Variants in SNX29 observed in about 807,000 individuals in gnomAD.
The protein encoded by SNX29 is sorting nexin-29.
SNX29 carries 78 observed loss-of-function variants against 102.1 expected under a neutral mutation model. The observed-to-expected ratio is 0.76, with a 90% CI of 0.64 to 0.92. The LOEUF is 0.92. SNX29 is among the 40% of genes least tolerant of loss of function. The pLI, the probability that SNX29 is intolerant of heterozygous loss-of-function variation, is 0.00. For synonymous variants in SNX29, 580 were observed against 414.5 expected, an observed-to-expected ratio of 1.40 and a Z score of -4.85; for missense variants, 1,280 against 1,061.7, an observed-to-expected ratio of 1.21 and a Z score of -2.86.
chr16:12,556,737 A>G (rs2078375400), intron 20 of SNX29, among the ~76,000 whole-genome samples: 1 of 152,176 alleles, frequency 6.6e-6, no homozygotes, highest in African/African-American at 2.4e-5. Context: ...TGGAATGTGA[A>G]TAAAGAAAAA....
intron 1 of SNX29, among the ~76,000 whole-genome samples, chr16:11,984,325 C>A (rs2055512918): frequency 6.6e-6 from 1 of 150,884 alleles, no homozygotes; most frequent in African/African-American, 2.4e-5. Flanking sequence ...ATGAAAGTAC[C>A]ATTGCACTCC....
intron 13 of SNX29, among the ~76,000 whole-genome samples, chr16:12,172,025 T>C (rs751240165): frequency 1.3e-5 from 2 of 152,206 alleles, no homozygotes; most frequent in Non-Finnish European, 2.9e-5. Context: ...AGTGGTGGTG[T>C]TCTACGTTAC....
At chr16:12,441,077 G>A (rs563211912) in intron 18 of SNX29, among the ~76,000 whole-genome samples, 3 of 143,876 alleles carry the variant, frequency 2.1e-5, no homozygotes, top group South Asian at 2.2e-4. Context: ...AGCATGCATC[G>A]CTACTTCATT....
At chr16:12,133,149 G>A (rs1295111093) in intron 13 of SNX29, among the ~76,000 whole-genome samples, 1 of 152,132 alleles carries the variant, frequency 6.6e-6, no homozygotes, top group Non-Finnish European at 1.5e-5. Context: ...CAGTGCAGGT[G>A]GATACAGCTA....
intron 20 of SNX29, among the ~76,000 whole-genome samples, chr16:12,545,951 C>A (rs190468825): frequency 6.6e-6 from 1 of 152,120 alleles, no homozygotes; most frequent in Non-Finnish European, 1.5e-5. Context: ...ATCCTGACAA[C>A]TAAGGGCAGG....
intron 15 of SNX29, among the ~76,000 whole-genome samples, chr16:12,318,322 A>C (rs1270307044): frequency 6.6e-6 from 1 of 152,240 alleles, no homozygotes; most frequent in Non-Finnish European, 1.5e-5. Flanking sequence ...CCCCTTTGGC[A>C]TCGTGACTCA....
chr16:12,539,203 C>G (rs142915614), intron 20 of SNX29, among the ~76,000 whole-genome samples: 33 of 152,222 alleles, frequency 2.2e-4, no homozygotes, highest in African/African-American at 7.0e-4. Context: ...TTTGAGTAAC[C>G]ACCATCACCG....
intron 20 of SNX29, among the ~76,000 whole-genome samples, chr16:12,535,603 C>T (rs781283315): frequency 4.6e-5 from 7 of 151,820 alleles, no homozygotes. Flanking sequence ...AGCCTCTACC[C>T]TTTGTCACTG....
intron 11 of SNX29, among the ~76,000 whole-genome samples, chr16:12,113,873 C>T (rs191314855): frequency 3.2e-4 from 48 of 152,326 alleles, no homozygotes; most frequent in East Asian, 2.3e-3. Flanking sequence ...TGGTAGGGCT[C>T]ATCTGCTATT....
At chr16:12,195,338 C>T (rs1387820439) in intron 13 of SNX29, among the ~76,000 whole-genome samples, 6 of 152,222 alleles carry the variant, frequency 3.9e-5, no homozygotes, top group Admixed American at 3.9e-4. Context: ...TTCAAAGCAT[C>T]CTCATGCATA....
chr16:12,500,640 C>T (rs1223945859), intron 19 of SNX29, among the ~76,000 whole-genome samples: 1 of 152,384 alleles, frequency 6.6e-6, no homozygotes, highest in African/African-American at 2.4e-5. Context: ...TCTGTCTATT[C>T]TTTCTCAATA....
intron 15 of SNX29, among the ~76,000 whole-genome samples, chr16:12,285,569 G>T (rs1022377546): frequency 1.3e-5 from 2 of 152,102 alleles, no homozygotes; most frequent in African/African-American, 4.8e-5. Context: ...ATAATCACAC[G>T]CTGTAGATAA....
At position 12,117,266 on chromosome 16, in the gene SNX29, G is replaced by A. The variant is rs1224957558; in HGVS notation, c.1403-9367G>A. On this transcript the variant is annotated intron_variant, in intron 11 of 20. Transcript: ENST00000566228. ...CGGACGAACCGTGGAAACAGGCGTG[G>A]TCAATACGTGCTTCAACGCGGACGA... Among the ~76,000 whole-genome samples the A allele has an allele frequency of 2.7e-5, 4 of 147,118 alleles. No homozygotes were observed. In the South Asian group the frequency reaches 6.5e-4, roughly 24 times the overall value.
intron 18 of SNX29, among the ~76,000 whole-genome samples, chr16:12,450,952 G>A (rs968049663): frequency 1.3e-5 from 2 of 152,076 alleles, no homozygotes; most frequent in Non-Finnish European, 2.9e-5. Flanking sequence ...TAAGCAAACC[G>A]AGATGAGCTC....
rs192674388 is a variant in SNX29 at position 12,203,191 on chromosome 16, G to A, written c.1678+3508G>A. ...CTCAGGTGGACTGGTGGCGTTGGAG[G>A]TGACAGCTCTGAAGTTGTATAGCGT... is the stretch of plus-strand genomic sequence containing the variant. On this transcript the variant is annotated intron_variant, in intron 14 of 20. Coordinates refer to ENST00000566228, the MANE Select transcript of SNX29 (RefSeq NM_032167.5). 8.5e-5 allele frequency among the ~76,000 whole-genome samples: 13 copies of A among 152,172 alleles called. No individual in the cohort carries two copies. In the East Asian group the frequency reaches 2.3e-3, roughly 27 times the overall value.
chr16:12,332,576 A>T (rs2081323218), intron 15 of SNX29, among the ~76,000 whole-genome samples: 3 of 152,150 alleles, frequency 2.0e-5, no homozygotes, highest in African/African-American at 7.2e-5. Flanking sequence ...CCAGTGCTGC[A>T]TGGTGGAGTG....
intron 13 of SNX29, among the ~76,000 whole-genome samples, chr16:12,195,959 G>A (rs2076762218): frequency 6.7e-6 from 1 of 149,674 alleles, no homozygotes; most frequent in African/African-American, 2.5e-5. Flanking sequence ...AGTTCAATTA[G>A]CCTCATTGAG....
At chr16:12,450,579 C>G (rs1226902717) in intron 18 of SNX29, among the ~76,000 whole-genome samples, 1 of 152,186 alleles carries the variant, frequency 6.6e-6, no homozygotes, top group Non-Finnish European at 1.5e-5. Context: ...CTCTGTCCAG[C>G]ACACACGGTG....
chr16:11,983,351 G>C (rs984141384), intron 1 of SNX29, among the ~76,000 whole-genome samples: 1 of 149,768 alleles, frequency 6.7e-6, no homozygotes, highest in Non-Finnish European at 1.5e-5. Context: ...TGAGATTATA[G>C]TTGTGAGCCA....
Sources: allele counts gnomAD v4.1 joint callset (sites outside exome capture counted in the v4.1 genomes callset), GRCh38; gene constraint gnomAD v4.1.1; transcripts MANE v1.5; gene names NCBI Gene and HGNC (gene_info 2026-07-23, HGNC 2026-07-21).